The following SNX29 variants were observed in gnomAD, a reference collection of about 807,000 sequenced individuals.
SNX29 encodes sorting nexin 29.
Under a neutral mutation model 102.1 loss-of-function variants are expected in SNX29, and 78 were observed. That is an observed-to-expected ratio of 0.76 (90% confidence interval 0.64 to 0.92). The LOEUF is 0.92. Ranked by LOEUF, SNX29 falls within the 40% of genes least tolerant of loss-of-function variation. SNX29 has a pLI of 0.00. For synonymous variants in SNX29, 580 were observed against 414.5 expected (o/e 1.40, Z -4.85); for missense variants, 1,280 against 1,061.7 (o/e 1.21, Z -2.86).
chr16:12,100,382 C>A (rs1418455407), intron 11 of SNX29, among the ~76,000 whole-genome samples: 1 of 152,158 alleles, frequency 6.6e-6, no homozygotes, highest in Non-Finnish European at 1.5e-5. Context: ...CAGTGCCCAG[C>A]GTCCTCCAGG....
chr16:12,103,999 A>G (rs546603135), intron 11 of SNX29, among the ~76,000 whole-genome samples: 3 of 152,290 alleles, frequency 2.0e-5, no homozygotes, highest in Non-Finnish European at 4.4e-5. Context: ...AAGATGAACT[A>G]CACTTGCAAA....
At chr16:12,101,009 A>G (rs1233918015) in intron 11 of SNX29, among the ~76,000 whole-genome samples, 1 of 152,184 alleles carries the variant, frequency 6.6e-6, no homozygotes, top group Non-Finnish European at 1.5e-5. Context: ...ACACCCATCC[A>G]TGGCCCATCT....
chr16:12,027,476 G>A (rs1376140896), intron 4 of SNX29, 32 bp downstream of exon 4: 3 of 1,611,186 alleles, frequency 1.9e-6, no homozygotes, highest in Non-Finnish European at 1.7e-6. Flanking sequence ...GCTTGGAGGA[G>A]CTTGTCTTCC....
intron 20 of SNX29, among the ~76,000 whole-genome samples, chr16:12,564,726 A>G (rs2078919739): frequency 6.6e-6 from 1 of 151,948 alleles, no homozygotes; most frequent in Non-Finnish European, 1.5e-5. Context: ...TGTTATAAAA[A>G]TGCAGTTGTG....
At chr16:12,384,885 T>C (rs1472645489) in intron 16 of SNX29, among the ~76,000 whole-genome samples, 1 of 152,112 alleles carries the variant, frequency 6.6e-6, no homozygotes, top group African/African-American at 2.4e-5. Flanking sequence ...AAAAGTGCTG[T>C]GGAGGCCGGG....
Position 12,126,633 on chromosome 16 carries a change from G to A in SNX29, c.1403G>A (p.Ser468Asn), listed in dbSNP as rs776164588. 2 of 1,613,826 alleles carry A rather than the reference G, an allele frequency of 1.2e-6. No individual in the cohort carries two copies. The highest frequency in any genetic ancestry group is 1.7e-6 in the Non-Finnish European group (2 of 1,179,878). Residue 468 changes from serine (S) to asparagine (N), a missense_variant and splice_region_variant, in exon 12 of 21, where the codon AGT (serine) becomes AAT (asparagine). Coordinates refer to ENST00000566228, the MANE Select transcript of SNX29 (RefSeq NM_032167.5). ...SASVPESMTI[S>N]ELRQATVAMM... ...TCTTGACTTTGTTTTCTTCCCTTAGGTGAACTGCGCCAGGCCACTGTGGCC... is the reference window on the plus strand; with the variant it reads ...TCTTGACTTTGTTTTCTTCCCTTAGATGAACTGCGCCAGGCCACTGTGGCC...
At chr16:12,068,497 CA>C (rs150995842) in intron 9 of SNX29, among the ~76,000 whole-genome samples, 27,069 of 87,028 alleles carry the variant, frequency 0.31, 2,614 homozygotes, top group Admixed American at 0.38. Context: ...GACCCTGTCT[CA>C]AAAAAAAAAA....
intron 20 of SNX29, among the ~76,000 whole-genome samples, chr16:12,564,721 T>C (rs12918473): frequency 0.26 from 39,570 of 151,980 alleles, 5,717 homozygotes; most frequent in East Asian, 0.44. Flanking sequence ...CACTTTGTTA[T>C]AAAAATGCAG....
intron 13 of SNX29, among the ~76,000 whole-genome samples, chr16:12,173,891 T>TGCCTCA (rs1281879503): frequency 6.6e-6 from 1 of 152,208 alleles, no homozygotes; most frequent in African/African-American, 2.4e-5. Context: ...GCAATTTTCC[T>TGCCTCA]GCCTCAGCCT....
intron 20 of SNX29, chr16:12,556,475 A>G (rs2856794): frequency 0.2 from 30,578 of 152,236 alleles, 3,240 homozygotes; most frequent in East Asian, 0.43. Flanking sequence ...CCAAAAGCAC[A>G]AGGAGGAGTT....
chr16:12,237,735 C>T (rs2077980360), intron 14 of SNX29, among the ~76,000 whole-genome samples: 3 of 152,042 alleles, frequency 2.0e-5, no homozygotes, highest in African/African-American at 4.8e-5. Context: ...GGTGAAACCC[C>T]CGTCTCTACT....
chr16:12,564,347 A>G (rs1056382178), intron 20 of SNX29, among the ~76,000 whole-genome samples: 1 of 152,178 alleles, frequency 6.6e-6, no homozygotes, highest in African/African-American at 2.4e-5. Flanking sequence ...TCATTTCAGG[A>G]TGTCAAAGGA....
At chr16:12,184,814 A>G (rs1229061063) in intron 13 of SNX29, among the ~76,000 whole-genome samples, 1 of 152,240 alleles carries the variant, frequency 6.6e-6, no homozygotes, top group African/African-American at 2.4e-5. Flanking sequence ...AGCGTAGACT[A>G]GCAGCAGTGA....
In SNX29 at chr16:12,572,738, G is replaced by A. The variant is rs1421990988; in HGVS notation, c.*4109G>A. On this transcript the variant is annotated 3_prime_UTR_variant, in exon 21 of 21. Transcript: ENST00000566228. ...TGGCACAGAACTGATGGCAAAGGAAGGGCTGGGTTTTCAGCTTCTGGGACC... is the reference window on the plus strand; with the variant it reads ...TGGCACAGAACTGATGGCAAAGGAAAGGCTGGGTTTTCAGCTTCTGGGACC... 1 of 1,064,166 alleles carries A rather than the reference G, an allele frequency of 9.4e-7. No individual in the cohort carries two copies. Among genetic ancestry groups the A allele is most frequent in the Non-Finnish European group, 1.1e-6 (1 of 878,564 alleles). 65.9% of individuals were successfully genotyped at this position (1,064,166 alleles called of 1,614,324 possible). A position where few individuals can be genotyped will look rare whatever the true frequency, so the allele number is the denominator to read the frequency against.
intron 3 of SNX29, among the ~76,000 whole-genome samples, chr16:12,003,331 G>T (rs567192156): frequency 6.6e-6 from 1 of 152,088 alleles, no homozygotes; most frequent in Non-Finnish European, 1.5e-5. Context: ...TTATTTTCAG[G>T]GTAATTAATA....
At position 12,554,490 on chromosome 16, in the gene SNX29, T is replaced by TA. The variant is rs5815694; in HGVS notation, c.2319-14016_2319-14015insA. On this transcript the variant is annotated intron_variant, in intron 20 of 20. Coordinates refer to ENST00000566228, the MANE Select transcript of SNX29 (RefSeq NM_032167.5). ...TCCTGCACATAGGCATGGAGTGGTTTCCAAGCTTCCTCCGCAGCAGGATGC... is the reference window on the plus strand; with the variant it reads ...TCCTGCACATAGGCATGGAGTGGTTTACCAAGCTTCCTCCGCAGCAGGATGC... Among the ~76,000 whole-genome samples, 497 of 152,362 alleles carry TA rather than the reference T, an allele frequency of 3.3e-3. 10 individuals carry two copies. The East Asian group carries it at 0.033, about 10-fold the overall frequency.
intron 18 of SNX29, among the ~76,000 whole-genome samples, chr16:12,427,537 A>G (rs2085131899): frequency 6.6e-6 from 1 of 152,194 alleles, no homozygotes. Flanking sequence ...AAGAAAAAAA[A>G]TACTTTAGGT....
intron 18 of SNX29, among the ~76,000 whole-genome samples, chr16:12,469,742 G>A (rs1278241701): frequency 6.6e-6 from 1 of 152,288 alleles, no homozygotes; most frequent in African/African-American, 2.4e-5. Context: ...GGCGCAGGGT[G>A]GCTCACGCCT....
intron 18 of SNX29, among the ~76,000 whole-genome samples, chr16:12,406,472 A>T (rs2084170563): frequency 6.6e-6 from 1 of 152,256 alleles, no homozygotes; most frequent in Admixed American, 6.5e-5. Context: ...AACCAAGGGC[A>T]TAACCCCAAA....
Sources: allele counts gnomAD v4.1 joint callset (sites outside exome capture counted in the v4.1 genomes callset), GRCh38; gene constraint gnomAD v4.1.1; transcripts MANE v1.5; gene names NCBI Gene and HGNC (gene_info 2026-07-23, HGNC 2026-07-21).